The following SRSF12 variants were observed in gnomAD, a reference collection of about 807,000 sequenced individuals.
The protein encoded by SRSF12 is serine and arginine rich splicing factor 12, also known as serine/arginine-rich splicing factor 12.
SRSF12 carries 21 observed loss-of-function variants against 34.1 expected under a neutral mutation model. The observed-to-expected ratio is 0.62, with a 90% CI of 0.44 to 0.89. The LOEUF is 0.89. Among genes scored for constraint, SRSF12 ranks in the 40% least tolerant of loss-of-function variants. The pLI is 0.00. For synonymous variants in SRSF12, 111 were observed against 110.8 expected (o/e 1.00, Z -0.01); for missense variants, 278 against 327.8 (o/e 0.85, Z 1.17).
chr6:89,110,558 C>T (rs1442947788), intron 1 of SRSF12, among the ~76,000 whole-genome samples: 15 of 152,182 alleles, frequency 9.9e-5, no homozygotes, highest in Non-Finnish European at 2.9e-5. Context: ...AGGTACTTTC[C>T]ATTTTTTATC....
chr6:89,118,011 A>T lies in SRSF12; in HGVS notation c.-124T>A. On this transcript the variant is annotated 5_prime_UTR_variant, in exon 1 of 5. Transcript: ENST00000452027. ...GGCGCGACCCCCACCCCTCGGCCTC[A>T]GCCCCGCCAGCGCGCAGCCGCAGAG... 1 of 1,001,274 alleles carries T rather than the reference A, an allele frequency of 1.0e-6. No homozygotes were observed. The highest frequency in any genetic ancestry group is 1.4e-6 in the Non-Finnish European group (1 of 717,748). 62.0% of individuals were successfully genotyped at this position (1,001,274 alleles called of 1,614,324 possible). A position where few individuals can be genotyped will look rare whatever the true frequency, so the allele number is the denominator to read the frequency against.
intron 4 of SRSF12, among the ~76,000 whole-genome samples, chr6:89,102,976 G>T (rs1271938896): frequency 1.3e-5 from 2 of 152,086 alleles, no homozygotes; most frequent in African/African-American, 4.8e-5. Context: ...TGTTGCCCAG[G>T]CTGGTCTCTC....
chr6:89,105,868 T>A, intron 2 of SRSF12: 1 of 157,022 alleles, frequency 6.4e-6, no homozygotes, highest in Non-Finnish European at 1.4e-5. Flanking sequence ...CATTATAAAA[T>A]TACAAACTGT....
rs1320320493 is a variant in SRSF12 at position 89,107,220 on chromosome 6, G to C, written c.104C>G (p.Pro35Arg). The C allele has an allele frequency of 6.2e-7, 1 of 1,613,920 alleles. No homozygotes were observed. The highest frequency in any genetic ancestry group is 8.5e-7 in the Non-Finnish European group (1 of 1,180,036). The change falls in exon 2 of 5, where the codon CCT becomes CGT. Residue 35 changes from proline to arginine, a missense_variant. Coordinates refer to ENST00000452027, the MANE Select transcript of SRSF12 (RefSeq NM_080743.5). The part of the protein sequence containing the change: ...DLRREFGRYG[P>R]IVDVYIPLDF... ...AAGTGGAATGTAAACGTCTACTATA[G>C]GGCCATATCGACCAAACTCACGGCG...
At chr6:89,109,270 C>T (rs1333130672) in intron 1 of SRSF12, among the ~76,000 whole-genome samples, 3 of 152,220 alleles carry the variant, frequency 2.0e-5, no homozygotes, top group African/African-American at 7.2e-5. Context: ...CAGGACTTCA[C>T]AGGCAATTCT....
chr6:89,112,133 G>A (rs898146478), intron 1 of SRSF12, among the ~76,000 whole-genome samples: 1 of 151,960 alleles, frequency 6.6e-6, no homozygotes, highest in Non-Finnish European at 1.5e-5. Flanking sequence ...TCAGCCTGCC[G>A]AGTAGCTGGG....
intron 1 of SRSF12, among the ~76,000 whole-genome samples, chr6:89,110,957 AAAT>A (rs1769019454): frequency 6.6e-6 from 1 of 152,054 alleles, no homozygotes; most frequent in South Asian, 2.1e-4. Flanking sequence ...TCTCTACAAA[AAAT>A]AAAAAAAAAT....
chr6:89,117,635 G>A (rs980223920), intron 1 of SRSF12, among the ~76,000 whole-genome samples, 188 bp downstream of exon 1: 6 of 152,120 alleles, frequency 3.9e-5, no homozygotes, highest in Admixed American at 2.0e-4. Flanking sequence ...GGAGGGCGGA[G>A]GCGCGAGTTC....
rs1582285799 is a variant in SRSF12, at chr6:89,118,007, C to T, written c.-120G>A. On this transcript the variant is annotated 5_prime_UTR_variant, in exon 1 of 5. Transcript: ENST00000452027. ...CCCCGGCGCGACCCCCACCCCTCGG[C>T]CTCAGCCCCGCCAGCGCGCAGCCGC... 7.4e-6 allele frequency: 8 copies of T among 1,078,954 alleles called. No homozygotes were observed. In the East Asian group the frequency reaches 2.9e-4, roughly 39 times the overall value. 66.8% of individuals were successfully genotyped at this position (1,078,954 alleles called of 1,614,324 possible).
At chr6:89,113,454 G>A (rs142007067) in intron 1 of SRSF12, among the ~76,000 whole-genome samples, 1,948 of 152,196 alleles carry the variant, frequency 0.013, 47 homozygotes, top group African/African-American at 0.042. Context: ...TTATAGGCGT[G>A]AGCCACCGCA....
In SRSF12 at chr6:89,105,469, C is replaced by T. The variant is rs766238628; in HGVS notation, c.232G>A (p.Gly78Ser). Residue 78 changes from glycine (G) to serine (S), a missense_variant, in exon 3 of 5, where the codon GGC becomes AGC. Transcript: ENST00000452027. ...LYNLNRKWVC[G>S]RQIEIQFAQG... is the part of the protein sequence containing the mutation. ...GCAAACTGTATTTCAATCTGACGGC[C>T]ACATACCCACTTTCTATTGAGGTTA... 2 of 1,611,638 alleles carry T rather than the reference C, an allele frequency of 1.2e-6. No individual in the cohort carries two copies. Among genetic ancestry groups the T allele is most frequent in the Non-Finnish European group, 1.7e-6 (2 of 1,179,194 alleles).
chr6:89,117,735 G>C, intron 1 of SRSF12, 88 bp downstream of exon 1: 2 of 1,325,516 alleles, frequency 1.5e-6, no homozygotes, highest in Non-Finnish European at 2.0e-6. Flanking sequence ...GCTCCCCCGA[G>C]CCTCCGCCGG....
In SRSF12 at chr6:89,114,062, C is replaced by T. The variant is rs894412990; in HGVS notation, c.65+3761G>A. ...TGATGATTCTAATTTCATATCATCA[C>T]TCACCTGCTATTCGATCTTAGGCAA... On this transcript the variant is annotated intron_variant, in intron 1 of 4. Coordinates refer to ENST00000452027, the MANE Select transcript of SRSF12 (RefSeq NM_080743.5). Among the ~76,000 whole-genome samples the T allele has an allele frequency of 2.6e-5, 4 of 152,326 alleles. No homozygotes were observed. In the South Asian group the frequency reaches 6.2e-4, roughly 24 times the overall value.
At chr6:89,111,518 C>A (rs1352471621) in intron 1 of SRSF12, among the ~76,000 whole-genome samples, 1 of 152,132 alleles carries the variant, frequency 6.6e-6, no homozygotes, top group African/African-American at 2.4e-5. Flanking sequence ...TCATAACTTA[C>A]TAAACTTATT....
Position 89,102,757 on chromosome 6 carries a change from A to G in SRSF12, c.416+2362T>C, listed in dbSNP as rs111373360. ...TTTTTTACATTTTAATAATTTATTT[A>G]TTTATTTGTTGTGAGACAGAGTCTT... On this transcript the variant is annotated intron_variant, in intron 4 of 4. Coordinates refer to ENST00000452027, the MANE Select transcript of SRSF12 (RefSeq NM_080743.5). Among the ~76,000 whole-genome samples the G allele has an allele frequency of 8.6e-3, 1,313 of 152,032 alleles. 19 individuals are homozygous for G. The highest frequency in any genetic ancestry group is 0.029 in the African/African-American group (1,201 of 41,454).
intron 4 of SRSF12, among the ~76,000 whole-genome samples, chr6:89,100,604 T>C (rs917219580): frequency 2.1e-4 from 31 of 151,100 alleles, no homozygotes; most frequent in Admixed American, 5.9e-4. Context: ...GATTTGGATA[T>C]TGGCATCATC....
chr6:89,099,405 T>TATATATACAC (rs1768406230), intron 4 of SRSF12, among the ~76,000 whole-genome samples: 2 of 91,800 alleles, frequency 2.2e-5, no homozygotes, highest in African/African-American at 8.0e-5. Context: ...TCTCTCTCCA[T>TATATATACAC]ATATATATAC....
chr6:89,108,944 T>C (rs1486996249), intron 1 of SRSF12, among the ~76,000 whole-genome samples: 2 of 152,210 alleles, frequency 1.3e-5, no homozygotes, highest in African/African-American at 4.8e-5. Context: ...TTTATTTCAT[T>C]TAACACTCAT....
In SRSF12 at chr6:89,098,386, A is replaced by G; in HGVS notation, c.*192T>C. 1 of 585,466 alleles carries G rather than the reference A, an allele frequency of 1.7e-6. No individual in the cohort carries two copies. Among genetic ancestry groups the G allele is most frequent in the East Asian group, 3.4e-5 (1 of 29,558 alleles). 36.3% of individuals were successfully genotyped at this position (585,466 alleles called of 1,614,324 possible). On this transcript the variant is annotated 3_prime_UTR_variant, in exon 5 of 5. Coordinates refer to ENST00000452027, the MANE Select transcript of SRSF12 (RefSeq NM_080743.5). ...AAATGGTGACATTAGACAAATCATA[A>G]TTTGTAGTGTGGGCCCTTTAAATGG...
Sources: gnomAD v4.1 joint callset for allele counts (sites outside exome capture counted in the v4.1 genomes callset) on GRCh38, gnomAD v4.1.1 for gene constraint, MANE v1.5 for transcripts, NCBI Gene and HGNC (gene_info 2026-07-23, HGNC 2026-07-21) for gene names.